The following DIRAS1 variants were observed in gnomAD, a reference collection of about 807,000 sequenced individuals.
The protein encoded by DIRAS1 is GTP-binding protein Di-Ras1.
Under a neutral mutation model 11.5 loss-of-function variants are expected in DIRAS1, and 3 were observed. The observed-to-expected ratio is 0.26, with a 90% confidence interval of 0.12 to 0.67. The LOEUF is 0.67. Among genes scored for constraint, DIRAS1 ranks in the 30% least tolerant of loss-of-function variants. The probability of loss-of-function intolerance (pLI) is 0.80; values close to 1 mark genes in which losing one functional copy is unlikely to be tolerated. For missense variants in DIRAS1, 212 were observed against 285.3 expected, an observed-to-expected ratio of 0.74 and a Z score of 1.85; for synonymous variants, 128 against 125.8, an observed-to-expected ratio of 1.02 and a Z score of -0.12.
At position 2,717,033 on chromosome 19, in the gene DIRAS1, C is replaced by G; in HGVS notation, c.*177G>C. The G allele has an allele frequency of 1.5e-6, 1 of 649,270 alleles. No homozygotes were observed. The highest frequency in any genetic ancestry group is 3.0e-5 in the Admixed American group (1 of 33,626). 40.2% of individuals were successfully genotyped at this position (649,270 alleles called of 1,614,324 possible). ...AGAGAGCAGGGGAGGAAGAAAAGCC[C>G]CAGCCCTGCCTCGGGGTGGGCAGGG... On this transcript the variant is annotated 3_prime_UTR_variant, in exon 2 of 2. Transcript: ENST00000323469.
chr19:2,719,649 T>G (rs1913908808), intron 1 of DIRAS1, among the ~76,000 whole-genome samples: 1 of 150,816 alleles, frequency 6.6e-6, no homozygotes, highest in African/African-American at 2.4e-5. Flanking sequence ...GAGGAACCAG[T>G]TTCTACCTGC....
rs139053567 is a variant in DIRAS1 at position 2,718,852 on chromosome 19, G to A, written c.-69-977C>T. 1.1e-4 allele frequency among the ~76,000 whole-genome samples: 16 copies of A among 150,250 alleles called. No homozygotes were observed. The highest frequency in any genetic ancestry group is 3.9e-4 in the African/African-American group (16 of 40,736). On this transcript the variant is annotated intron_variant, in intron 1 of 1. Coordinates refer to ENST00000323469, the MANE Select transcript of DIRAS1 (RefSeq NM_145173.4). The surrounding 1 kb of genome is among the most constrained non-coding windows in gnomAD (Gnocchi z 4.2). ...CTTATTTTTTTTAAAACCAAGTCTT[G>A]CTCTGTTGCCCAGGTTGGAGTTCAG...
chr19:2,718,047 G>A lies in DIRAS1; in HGVS notation c.-69-172C>T. ...GCTGACTTTGCAGTTCTGTCCCACA[G>A]GCGGGCGCACAGCCAACACCCTTTG... On this transcript the variant is annotated intron_variant, in intron 1 of 1. Coordinates refer to ENST00000323469, the MANE Select transcript of DIRAS1 (RefSeq NM_145173.4). The surrounding 1 kb of genome is among the most constrained non-coding windows in gnomAD (Gnocchi z 4.2). 1.7e-6 allele frequency: 1 copy of A among 572,576 alleles called. No homozygotes were observed. The highest frequency in any genetic ancestry group is 3.1e-5 in the Admixed American group (1 of 32,084). The allele number at this position is 572,576 out of a possible 1,614,324, so 35.5% of individuals were successfully genotyped here. A position where few individuals can be genotyped will look rare whatever the true frequency, so the allele number is the denominator to read the frequency against.
At chr19:2,719,324 C>CA (rs1913899998) in intron 1 of DIRAS1, 1 of 152,174 alleles carries the variant, frequency 6.6e-6, no homozygotes, top group Non-Finnish European at 1.5e-5. Flanking sequence ...ACTCTAAAAT[C>CA]AAACTATGGC....
rs112553852 is a variant in DIRAS1, at chr19:2,715,439, C to A, written c.*1771G>T. The A allele has an allele frequency of 1.3e-5, 2 of 152,150 alleles. No homozygotes were observed. Among genetic ancestry groups the A allele is most frequent in the Admixed American group, 1.3e-4 (2 of 15,270 alleles). 9.4% of individuals were successfully genotyped at this position (152,150 alleles called of 1,614,324 possible). A position where few individuals can be genotyped will look rare whatever the true frequency, so the allele number is the denominator to read the frequency against. Reference sequence around the variant, plus strand: ...AGGGCAGCTTCCAGCCAACAGCCAGCGAGGAACTGAGGCCTTCAGTCTTGC... The same window carrying A: ...AGGGCAGCTTCCAGCCAACAGCCAGAGAGGAACTGAGGCCTTCAGTCTTGC... On this transcript the variant is annotated 3_prime_UTR_variant, in exon 2 of 2. Coordinates refer to ENST00000323469, the MANE Select transcript of DIRAS1 (RefSeq NM_145173.4).
In DIRAS1 at chr19:2,716,990, C is replaced by T. The variant is rs989653703; in HGVS notation, c.*220G>A. On this transcript the variant is annotated 3_prime_UTR_variant, in exon 2 of 2. Coordinates refer to ENST00000323469, the MANE Select transcript of DIRAS1 (RefSeq NM_145173.4). ...GGCTCTTGGTTTTGGAGGGTACAGA[C>T]AGAACAGGAGGGTGGAGAGAGAGCA... is the stretch of plus-strand genomic sequence containing the variant. 2 of 567,846 alleles carry T rather than the reference C, an allele frequency of 3.5e-6. No individual in the cohort carries two copies. Among genetic ancestry groups the T allele is most frequent in the Non-Finnish European group, 6.2e-6 (2 of 322,742 alleles). The allele number at this position is 567,846 out of a possible 1,614,324, so 35.2% of individuals were successfully genotyped here.
In DIRAS1 at chr19:2,717,841, GGGCT is replaced by G. The variant is rs1913863253; in HGVS notation, c.-39_-36del. ...GGCGGGTGGGCGGCCGGGGCCGGGAGGGCTGGTGCCAGCTGCAAGAACCCCAGAC... is the reference window on the plus strand; with the variant it reads ...GGCGGGTGGGCGGCCGGGGCCGGGAGGGTGCCAGCTGCAAGAACCCCAGAC... On this transcript the variant is annotated 5_prime_UTR_variant, in exon 2 of 2. Coordinates refer to ENST00000323469, the MANE Select transcript of DIRAS1 (RefSeq NM_145173.4). The G allele has an allele frequency of 1.3e-6, 2 of 1,549,250 alleles. No homozygotes were observed. Among genetic ancestry groups the G allele is most frequent in the Non-Finnish European group, 1.7e-6 (2 of 1,151,704 alleles).
In DIRAS1 at chr19:2,715,314, C is replaced by T. The variant is rs1489938526; in HGVS notation, c.*1896G>A. Reference sequence around the variant, plus strand: ...TGCGCACACACACACGTTGCTTCCTCACACCCAATAAGACCAAAACCTCCA... The same window carrying T: ...TGCGCACACACACACGTTGCTTCCTTACACCCAATAAGACCAAAACCTCCA... On this transcript the variant is annotated 3_prime_UTR_variant, in exon 2 of 2. Coordinates refer to ENST00000323469, the MANE Select transcript of DIRAS1 (RefSeq NM_145173.4). 6.6e-6 allele frequency: 1 copy of T among 152,276 alleles called. No homozygotes were observed. The highest frequency in any genetic ancestry group is 1.5e-5 in the Non-Finnish European group (1 of 68,104). The allele number at this position is 152,276 out of a possible 1,614,324, so 9.4% of individuals were successfully genotyped here. A position where few individuals can be genotyped will look rare whatever the true frequency, so the allele number is the denominator to read the frequency against.
Position 2,716,856 on chromosome 19 carries a change from A to C in DIRAS1, c.*354T>G, listed in dbSNP as rs1913815757. The C allele has an allele frequency of 7.4e-6, 2 of 269,996 alleles. No homozygotes were observed. The highest frequency in any genetic ancestry group is 1.0e-4 in the South Asian group (1 of 9,814). 16.7% of individuals were successfully genotyped at this position (269,996 alleles called of 1,614,324 possible). ...CTGGCTGGGGACACCCCAGGGAAAGAGATGGAAACGGGGAAACGCAGCCTC... is the reference window on the plus strand; with the variant it reads ...CTGGCTGGGGACACCCCAGGGAAAGCGATGGAAACGGGGAAACGCAGCCTC... On this transcript the variant is annotated 3_prime_UTR_variant, in exon 2 of 2. Coordinates refer to ENST00000323469, the MANE Select transcript of DIRAS1 (RefSeq NM_145173.4).
At chr19:2,719,204 TC>T (rs1913896682) in intron 1 of DIRAS1, 1 of 152,122 alleles carries the variant, frequency 6.6e-6, no homozygotes, top group African/African-American at 2.4e-5. Context: ...AATTTGCAAA[TC>T]AGGGCACTGA....
Position 2,715,367 on chromosome 19 carries a change from C to A in DIRAS1, c.*1843G>T, listed in dbSNP as rs1298395625. 6.6e-6 allele frequency: 1 copy of A among 152,244 alleles called. No individual in the cohort carries two copies. Among genetic ancestry groups the A allele is most frequent in the African/African-American group, 2.4e-5 (1 of 41,418 alleles). 9.4% of individuals were successfully genotyped at this position (152,244 alleles called of 1,614,324 possible). On this transcript the variant is annotated 3_prime_UTR_variant, in exon 2 of 2. Coordinates refer to ENST00000323469, the MANE Select transcript of DIRAS1 (RefSeq NM_145173.4). ...TCACCTTCCCTCACTAACTTAGCTG[C>A]CATGCTCCGAGCCCCGCTGTGGAGA... is the stretch of plus-strand genomic sequence containing the variant.
At chr19:2,720,314 C>T (rs1249578453) in intron 1 of DIRAS1, among the ~76,000 whole-genome samples, 1 of 152,210 alleles carries the variant, frequency 6.6e-6, no homozygotes, top group Non-Finnish European at 1.5e-5. Context: ...AAGCTCCAGC[C>T]CCCATGAGCA....
rs978776182 is a variant in DIRAS1, at chr19:2,715,153, G to A, written c.*2057C>T. On this transcript the variant is annotated 3_prime_UTR_variant, in exon 2 of 2. Transcript: ENST00000323469. ...ACATTTGTTGAGTAAACACTCACACGAACACAGAGGAAAACAAACATGCTT... is the reference window on the plus strand; with the variant it reads ...ACATTTGTTGAGTAAACACTCACACAAACACAGAGGAAAACAAACATGCTT... The A allele has an allele frequency of 5.3e-5, 8 of 152,136 alleles. No individual in the cohort carries two copies. The highest frequency in any genetic ancestry group is 1.4e-4 in the African/African-American group (6 of 41,408). 9.4% of individuals were successfully genotyped at this position (152,136 alleles called of 1,614,324 possible). A position where few individuals can be genotyped will look rare whatever the true frequency, so the allele number is the denominator to read the frequency against.
In DIRAS1 at chr19:2,715,435, C is replaced by G. The variant is rs1599474906; in HGVS notation, c.*1775G>C. 6.6e-6 allele frequency: 1 copy of G among 152,228 alleles called. No individual in the cohort carries two copies. Among genetic ancestry groups the G allele is most frequent in the African/African-American group, 2.4e-5 (1 of 41,440 alleles). 9.4% of individuals were successfully genotyped at this position (152,228 alleles called of 1,614,324 possible). ...ACAAAGGGCAGCTTCCAGCCAACAG[C>G]CAGCGAGGAACTGAGGCCTTCAGTC... On this transcript the variant is annotated 3_prime_UTR_variant, in exon 2 of 2. Transcript: ENST00000323469.
In DIRAS1 at chr19:2,716,568, G is replaced by T. The variant is rs1398967364; in HGVS notation, c.*642C>A. ...ATTCGGGGCTGGCAGGGGCACTGCTGCAGGCCCTGTGGTTATTGCCTGGTG... is the reference window on the plus strand; with the variant it reads ...ATTCGGGGCTGGCAGGGGCACTGCTTCAGGCCCTGTGGTTATTGCCTGGTG... On this transcript the variant is annotated 3_prime_UTR_variant, in exon 2 of 2. Transcript: ENST00000323469. 1 of 152,778 alleles carries T rather than the reference G, an allele frequency of 6.5e-6. No homozygotes were observed. Among genetic ancestry groups the T allele is most frequent in the East Asian group, 1.9e-4 (1 of 5,166 alleles). 9.5% of individuals were successfully genotyped at this position (152,778 alleles called of 1,614,324 possible). A position where few individuals can be genotyped will look rare whatever the true frequency, so the allele number is the denominator to read the frequency against.
At chr19:2,720,743 C>G (rs1015301008) in intron 1 of DIRAS1, among the ~76,000 whole-genome samples, 1 of 152,108 alleles carries the variant, frequency 6.6e-6, no homozygotes, top group African/African-American at 2.4e-5. Context: ...GGGGTCACGC[C>G]TGACCAAGGG....
chr19:2,716,591 G>C lies in DIRAS1; in HGVS notation c.*619C>G, dbSNP rs953288968. 2 of 152,732 alleles carry C rather than the reference G, an allele frequency of 1.3e-5. No homozygotes were observed. The highest frequency in any genetic ancestry group is 6.5e-5 in the Admixed American group (1 of 15,284). The allele number at this position is 152,732 out of a possible 1,614,324, so 9.5% of individuals were successfully genotyped here. ...CTGCAGGCCCTGTGGTTATTGCCTGGTGGCCTGAGGCCCATCCCACGGGCC... is the reference window on the plus strand; with the variant it reads ...CTGCAGGCCCTGTGGTTATTGCCTGCTGGCCTGAGGCCCATCCCACGGGCC... On this transcript the variant is annotated 3_prime_UTR_variant, in exon 2 of 2. Coordinates refer to ENST00000323469, the MANE Select transcript of DIRAS1 (RefSeq NM_145173.4).
chr19:2,717,363 C>A lies in DIRAS1; in HGVS notation c.444G>T (p.Glu148Asp). 1.2e-6 allele frequency: 2 copies of A among 1,609,874 alleles called. No individual in the cohort carries two copies. The highest frequency in any genetic ancestry group is 1.7e-6 in the Non-Finnish European group (2 of 1,179,996). The change falls in exon 2 of 2, where the codon GAG becomes GAT. Residue 148 changes from glutamate to aspartate, a missense_variant. Physicochemically the swap from Glu to Asp is conservative, Grantham distance 45 (BLOSUM62 2). Around this residue, in one of 2 missense-constraint regions of DIRAS1, gnomAD observed 84 missense variants for 79.9 expected, o/e 1.05. Coordinates refer to ENST00000323469, the MANE Select transcript of DIRAS1 (RefSeq NM_145173.4). ...VAQEWKCAFM[E>D]TSAKMNYNVK... ...CGTTGTAGTTCATCTTGGCCGAGGT[C>A]TCCATGAAAGCGCACTTCCACTCCT...
At chr19:2,720,207 C>T (rs1913922226) in intron 1 of DIRAS1, among the ~76,000 whole-genome samples, 1 of 152,180 alleles carries the variant, frequency 6.6e-6, no homozygotes, top group Non-Finnish European at 1.5e-5. Context: ...GGCGGGCACG[C>T]TGCTGTGCAG....
Sources: gnomAD v4.1 joint callset for allele counts (sites outside exome capture counted in the v4.1 genomes callset) on GRCh38, gnomAD v4.1.1 for gene constraint, gnomAD v4.1.1 regional missense constraint, Gnocchi (gnomAD v3.1) non-coding constraint, MANE v1.5 for transcripts, NCBI Gene and HGNC (gene_info 2026-07-23, HGNC 2026-07-21) for gene names.